The following CYTH1 variants were observed in gnomAD, a reference collection of about 807,000 sequenced individuals.
The protein encoded by CYTH1 is cytohesin-1.
Under a neutral mutation model 61.8 loss-of-function variants are expected in CYTH1, and 18 were observed. That is an observed-to-expected ratio of 0.29 (90% CI 0.20 to 0.43). The LOEUF (loss-of-function observed/expected upper bound fraction) is 0.43. CYTH1 is among the 20% of genes least tolerant of loss of function. The pLI, the probability that CYTH1 is intolerant of heterozygous loss-of-function variation, is 1.00. For synonymous variants in CYTH1, 174 were observed against 184.3 expected (o/e 0.94, Z 0.45); for missense variants, 336 against 510.5 (o/e 0.66, Z 3.29).
intron 1 of CYTH1, among the ~76,000 whole-genome samples, chr17:78,770,967 A>G (rs1365026686): frequency 1.3e-5 from 2 of 152,164 alleles, no homozygotes; most frequent in Non-Finnish European, 2.9e-5. Flanking sequence ...GTCTCTCCTA[A>G]AAATACAAAA....
chr17:78,680,119 T>G, intron 13 of CYTH1, 71 bp downstream of exon 13: 1 of 1,580,578 alleles, frequency 6.3e-7, no homozygotes, highest in East Asian at 2.3e-5. Context: ...GTTTAACCAC[T>G]AAGATGATCA....
intron 1 of CYTH1, among the ~76,000 whole-genome samples, chr17:78,747,886 C>T (rs2093365480): frequency 6.6e-6 from 1 of 152,158 alleles, no homozygotes; most frequent in African/African-American, 2.4e-5. Context: ...ATCTTTAAAA[C>T]TATATCTATG....
chr17:78,710,257 T>TA (rs899836626), intron 1 of CYTH1, among the ~76,000 whole-genome samples: 6 of 152,056 alleles, frequency 3.9e-5, no homozygotes, highest in Admixed American at 2.6e-4. Context: ...CACTGAGAAA[T>TA]AAAAAAAGTC....
chr17:78,679,969 G>A (rs776849582), intron 13 of CYTH1, among the ~76,000 whole-genome samples: 15 of 152,212 alleles, frequency 9.9e-5, no homozygotes, highest in Non-Finnish European at 1.6e-4. Flanking sequence ...ATGAGGACAC[G>A]TGGGGAACCC....
chr17:78,698,119 A>G, intron 9 of CYTH1, 150 bp downstream of exon 9: 1 of 695,706 alleles, frequency 1.4e-6, no homozygotes, highest in Non-Finnish European at 2.5e-6. Context: ...ATGTGTGTGA[A>G]CATGCATGCG....
At chr17:78,680,418 C>G in intron 12 of CYTH1, 74 bp from the exon 13 acceptor site, 1 of 1,476,184 alleles carries the variant, frequency 6.8e-7, no homozygotes, top group South Asian at 1.3e-5. Flanking sequence ...GATTTCTTTC[C>G]CCAAAACCCC....
chr17:78,774,950 G>A (rs1260036169), intron 1 of CYTH1, among the ~76,000 whole-genome samples: 1 of 152,204 alleles, frequency 6.6e-6, no homozygotes, highest in Non-Finnish European at 1.5e-5. Context: ...TACCCACCAG[G>A]GCATTCGGCA....
At chr17:78,693,470 A>T (rs1382666571) in intron 10 of CYTH1, among the ~76,000 whole-genome samples, 1 of 151,868 alleles carries the variant, frequency 6.6e-6, no homozygotes, top group African/African-American at 2.4e-5. Context: ...AAAAGTATAA[A>T]AATTAGCCAG....
intron 1 of CYTH1, among the ~76,000 whole-genome samples, chr17:78,734,218 G>A (rs537927858): frequency 5.3e-5 from 8 of 151,380 alleles, no homozygotes; most frequent in Non-Finnish European, 7.4e-5. Flanking sequence ...CTCCAGCCTC[G>A]GCAACAGAGC....
At chr17:78,709,454 C>G (rs2093104701) in intron 2 of CYTH1, 196 bp downstream of exon 2, 3 of 566,432 alleles carry the variant, frequency 5.3e-6, no homozygotes, top group East Asian at 6.0e-5. Flanking sequence ...ACAAGCCACT[C>G]AACCTCTCTG....
At chr17:78,695,600 C>G (rs2092930551) in intron 10 of CYTH1, among the ~76,000 whole-genome samples, 1 of 152,110 alleles carries the variant, frequency 6.6e-6, no homozygotes, top group Non-Finnish European at 1.5e-5. Context: ...AGAAAGACTT[C>G]CTTCTCTTCT....
chr17:78,744,668 T>C (rs980184258), intron 1 of CYTH1, among the ~76,000 whole-genome samples: 5 of 152,202 alleles, frequency 3.3e-5, no homozygotes, highest in Admixed American at 2.0e-4. Flanking sequence ...TGGCAAAGGA[T>C]ATATGTAATG....
chr17:78,730,761 T>C (rs1484077943), intron 1 of CYTH1, among the ~76,000 whole-genome samples: 1 of 151,566 alleles, frequency 6.6e-6, no homozygotes, highest in Non-Finnish European at 1.5e-5. Context: ...GCCTCCTGGG[T>C]TCACGCCGTT....
chr17:78,760,585 GTATATA>G (rs59089202), intron 1 of CYTH1, among the ~76,000 whole-genome samples: 1 of 47,326 alleles, frequency 2.1e-5, no homozygotes, highest in East Asian at 7.6e-4. Context: ...ACATATATAT[GTATATA>G]TATGTATATA....
chr17:78,714,539 TCA>T (rs370152043), intron 1 of CYTH1, among the ~76,000 whole-genome samples: 3 of 151,850 alleles, frequency 2.0e-5, no homozygotes, highest in East Asian at 1.9e-4. Context: ...ACTAAGGATT[TCA>T]CACACACACA....
intron 1 of CYTH1, among the ~76,000 whole-genome samples, chr17:78,770,644 C>T (rs1308597478): frequency 6.6e-6 from 1 of 152,050 alleles, no homozygotes; most frequent in Non-Finnish European, 1.5e-5. Context: ...GTCTCGATCT[C>T]TTGACTTTGT....
chr17:78,760,444 TATATATATATACATAC>T (rs1447520911), intron 1 of CYTH1, among the ~76,000 whole-genome samples: 13 of 54,346 alleles, frequency 2.4e-4, no homozygotes, highest in Non-Finnish European at 3.4e-4. Flanking sequence ...TATATATATG[TATATATATATACATAC>T]ATATATATAT....
rs1177481315 is a variant in CYTH1, at chr17:78,674,185, T to C, written c.*1906A>G. 1 of 152,682 alleles carries C rather than the reference T, an allele frequency of 6.5e-6. No individual in the cohort carries two copies. The highest frequency in any genetic ancestry group is 2.4e-5 in the African/African-American group (1 of 41,472). 9.5% of individuals were successfully genotyped at this position (152,682 alleles called of 1,614,324 possible). A position where few individuals can be genotyped will look rare whatever the true frequency, so the allele number is the denominator to read the frequency against. On this transcript the variant is annotated 3_prime_UTR_variant, in exon 14 of 14. Coordinates refer to ENST00000446868, the MANE Select transcript of CYTH1 (RefSeq NM_004762.6). ...CAACTTTCAGTCATTTCTTTATATT[T>C]TTGTATTTTGACAAAACTTCTTTTA...
intron 1 of CYTH1, among the ~76,000 whole-genome samples, chr17:78,720,065 C>T (rs528780116): frequency 6.6e-6 from 1 of 152,142 alleles, no homozygotes; most frequent in African/African-American, 2.4e-5. Context: ...TAGAGACAGA[C>T]AGTGGGATGG....
Sources: allele counts gnomAD v4.1 joint callset (sites outside exome capture counted in the v4.1 genomes callset), GRCh38; gene constraint gnomAD v4.1.1; transcripts MANE v1.5; gene names NCBI Gene and HGNC (gene_info 2026-07-23, HGNC 2026-07-21).